The following LRRC37A2 variants were observed in gnomAD, a reference collection of about 807,000 sequenced individuals.
LRRC37A2 encodes leucine-rich repeat-containing protein 37A2.
Under a neutral mutation model 68.8 loss-of-function variants are expected in LRRC37A2, and 9 were observed. The observed-to-expected ratio is 0.13, with a 90% CI of 0.08 to 0.23. The LOEUF (loss-of-function observed/expected upper bound fraction) is 0.23. Among genes scored for constraint, LRRC37A2 ranks in the 10% least tolerant of loss-of-function variants. The pLI is 1.00. For missense variants in LRRC37A2, 168 were observed against 950.4 expected (o/e 0.18, Z 10.82); for synonymous variants, 63 against 367.6 (o/e 0.17, Z 9.48).
the LRRC37A2 span, among the ~76,000 whole-genome samples, chr17:46,729,703 G>C: frequency 6.6e-6 from 1 of 152,120 alleles, no homozygotes; most frequent in Non-Finnish European, 1.5e-5. Context: ...CTTAATGTCT[G>C]TATGAGAATC....
At chr17:46,987,558 C>G in the LRRC37A2 span, among the ~76,000 whole-genome samples, 8 of 152,162 alleles carry the variant, frequency 5.3e-5, no homozygotes, top group African/African-American at 1.9e-4. Flanking sequence ...TGCACTGGCT[C>G]TAGGAGGCCG....
chr17:46,955,194 A>G, the LRRC37A2 span, among the ~76,000 whole-genome samples: 46 of 152,016 alleles, frequency 3.0e-4, no homozygotes, highest in East Asian at 1.9e-3. Context: ...CGTCCCATCA[A>G]TACCTAATTT....
chr17:46,755,697 G>A, the LRRC37A2 span: 8 of 1,264,320 alleles, frequency 6.3e-6, no homozygotes, highest in Non-Finnish European at 8.7e-6. Context: ...GGAAATGTAG[G>A]ATAACCATTA....
chr17:46,470,208 CTT>C, the LRRC37A2 span, among the ~76,000 whole-genome samples: 1 of 34,334 alleles, frequency 2.9e-5, no homozygotes, highest in East Asian at 3.7e-4. Context: ...TTTTATATGT[CTT>C]TGTTTTGGTA....
At chr17:46,856,163 A>G in the LRRC37A2 span, among the ~76,000 whole-genome samples, 1 of 152,250 alleles carries the variant, frequency 6.6e-6, no homozygotes, top group Non-Finnish European at 1.5e-5. Flanking sequence ...AAAGCCCAAG[A>G]CAGTGAATCC....
the LRRC37A2 span, among the ~76,000 whole-genome samples, chr17:47,036,296 C>A: frequency 8.9e-3 from 1,352 of 152,200 alleles, 12 homozygotes; most frequent in Non-Finnish European, 0.014. Flanking sequence ...TTTCATCTGT[C>A]TGACATTCTT....
At chr17:46,982,763 GATGTAA>G in the LRRC37A2 span, among the ~76,000 whole-genome samples, 2 of 152,176 alleles carry the variant, frequency 1.3e-5, no homozygotes, top group Non-Finnish European at 2.9e-5. Flanking sequence ...TGGGCTTGTG[GATGTAA>G]ACAAAGACCA....
At chr17:46,955,132 G>C in the LRRC37A2 span, among the ~76,000 whole-genome samples, 3 of 152,102 alleles carry the variant, frequency 2.0e-5, no homozygotes, top group Non-Finnish European at 2.9e-5. Context: ...TGTCCATTCA[G>C]TATGATATTG....
the LRRC37A2 span, chr17:46,923,080 G>A: frequency 7.8e-6 from 6 of 768,886 alleles, no homozygotes; most frequent in African/African-American, 8.5e-5. Context: ...GGGCAGCCCT[G>A]GCCGGCAGGG....
At chr17:46,723,925 A>G in the LRRC37A2 span, among the ~76,000 whole-genome samples, 1 of 152,144 alleles carries the variant, frequency 6.6e-6, no homozygotes, top group Admixed American at 6.5e-5. Flanking sequence ...GTGGCTTGTT[A>G]TTGCCTTTAC....
chr17:46,788,034 A>G, the LRRC37A2 span, among the ~76,000 whole-genome samples: 1 of 151,608 alleles, frequency 6.6e-6, no homozygotes, highest in African/African-American at 2.4e-5. Context: ...AGTCAGTTGC[A>G]GAGTGTGAGA....
the LRRC37A2 span, among the ~76,000 whole-genome samples, chr17:46,894,834 C>G: frequency 6.6e-6 from 1 of 152,256 alleles, no homozygotes; most frequent in African/African-American, 2.4e-5. Flanking sequence ...ACTTCTCCCC[C>G]CTCCACTCTG....
the LRRC37A2 span, among the ~76,000 whole-genome samples, chr17:46,854,255 G>T: frequency 8.1e-3 from 1,239 of 152,310 alleles, 16 homozygotes; most frequent in African/African-American, 0.028. Context: ...ATCTGCATTC[G>T]CTGTCTGGGA....
the LRRC37A2 span, among the ~76,000 whole-genome samples, chr17:46,999,926 G>T: frequency 6.7e-6 from 1 of 150,056 alleles, no homozygotes; most frequent in African/African-American, 2.4e-5. Context: ...TTGAACCTGG[G>T]AGGTGGAGGT....
chr17:46,986,690 C>T, the LRRC37A2 span, among the ~76,000 whole-genome samples: 1 of 152,112 alleles, frequency 6.6e-6, no homozygotes, highest in African/African-American at 2.4e-5. Flanking sequence ...TCTGAGACCG[C>T]GGAGAAGTGA....
At chr17:46,754,932 C>CTG in the LRRC37A2 span, among the ~76,000 whole-genome samples, 2 of 152,248 alleles carry the variant, frequency 1.3e-5, no homozygotes, top group Admixed American at 6.5e-5. Flanking sequence ...TTCTACTTTG[C>CTG]TGTGACTTTA....
the LRRC37A2 span, among the ~76,000 whole-genome samples, chr17:46,382,435 CA>C: frequency 1.5e-5 from 1 of 66,214 alleles, no homozygotes; most frequent in South Asian, 6.4e-4. Context: ...AGTCATAGCT[CA>C]CTGCAGCTTC....
At chr17:46,929,478 A>T in the LRRC37A2 span, 1 of 1,009,530 alleles carries the variant, frequency 9.9e-7, no homozygotes, top group Non-Finnish European at 1.6e-6. Flanking sequence ...AGCGCTGTTG[A>T]TTACTCCTGT....
the LRRC37A2 span, among the ~76,000 whole-genome samples, chr17:46,995,113 A>G: frequency 3.9e-5 from 6 of 152,124 alleles, no homozygotes; most frequent in Non-Finnish European, 7.4e-5. Flanking sequence ...ACAGAGTGAG[A>G]CTGTCCCCCC....
Sources: allele counts gnomAD v4.1 joint callset (sites outside exome capture counted in the v4.1 genomes callset), GRCh38; gene constraint gnomAD v4.1.1; transcripts MANE v1.5; gene names NCBI Gene and HGNC (gene_info 2026-07-23, HGNC 2026-07-21).